Variants in BMP6 observed in about 807,000 individuals in gnomAD.
The protein encoded by BMP6 is VG-1-R.
BMP6 carries 17 observed loss-of-function variants against 54.1 expected under a neutral mutation model. That is an observed-to-expected ratio of 0.31 (90% CI 0.22 to 0.47). The LOEUF is 0.47. Among genes scored for constraint, BMP6 ranks in the 20% least tolerant of loss-of-function variants. The pLI is 1.00. For missense variants in BMP6, 720 were observed against 690.4 expected, an observed-to-expected ratio of 1.04 and a Z score of -0.48; for synonymous variants, 328 against 291.2, an observed-to-expected ratio of 1.13 and a Z score of -1.28.
At chr6:7,789,806 C>T (rs1432836063) in intron 1 of BMP6, among the ~76,000 whole-genome samples, 1 of 152,220 alleles carries the variant, frequency 6.6e-6, no homozygotes, top group Non-Finnish European at 1.5e-5. Flanking sequence ...GAAGCAGGCT[C>T]TTTAGGCCCT....
intron 4 of BMP6, among the ~76,000 whole-genome samples, chr6:7,872,338 C>T (rs1759542274): frequency 6.6e-6 from 1 of 151,758 alleles, no homozygotes; most frequent in South Asian, 2.1e-4. Context: ...ATGCAGAACC[C>T]AGGGTACTGA....
At chr6:7,760,816 TTAAAG>T (rs574077258) in intron 1 of BMP6, among the ~76,000 whole-genome samples, 42 of 152,354 alleles carry the variant, frequency 2.8e-4, no homozygotes, top group Admixed American at 1.1e-3. Flanking sequence ...TGAATAAAAG[TTAAAG>T]TAAAGTTTTG....
intron 1 of BMP6, among the ~76,000 whole-genome samples, chr6:7,732,577 A>AT (rs1761884102): frequency 6.6e-6 from 1 of 152,202 alleles, no homozygotes; most frequent in Non-Finnish European, 1.5e-5. Context: ...TTAGCATATA[A>AT]TTTGTTGCCT....
In BMP6 at chr6:7,754,712, T is replaced by TTTG. The variant is rs372460464; in HGVS notation, c.664+27105_664+27107dup. ...CACACGGCATAATGTTCTAACCTTT[T>TTTG]TTGTTGTTGTTGTTTGTTTGTTTGA... On this transcript the variant is annotated intron_variant, in intron 1 of 6. Coordinates refer to ENST00000283147, the MANE Select transcript of BMP6 (RefSeq NM_001718.6). Among the ~76,000 whole-genome samples, 378 of 152,236 alleles carry TTTG rather than the reference T, an allele frequency of 2.5e-3. 1 individual carries two copies. Among genetic ancestry groups the TTTG allele is most frequent in the African/African-American group, 8.8e-3 (365 of 41,536 alleles).
intron 2 of BMP6, among the ~76,000 whole-genome samples, chr6:7,855,813 G>A (rs915767450): frequency 5.3e-5 from 8 of 151,848 alleles, no homozygotes; most frequent in Admixed American, 1.3e-4. Context: ...ACAGGTGTGA[G>A]CCACCATGCC....
intron 1 of BMP6, among the ~76,000 whole-genome samples, chr6:7,785,863 C>T (rs1758012586): frequency 6.6e-6 from 1 of 152,112 alleles, no homozygotes; most frequent in Non-Finnish European, 1.5e-5. Flanking sequence ...ATAAATACAG[C>T]CACGCTACAA....
At chr6:7,739,568 G>A (rs1762011644) in intron 1 of BMP6, among the ~76,000 whole-genome samples, 1 of 152,162 alleles carries the variant, frequency 6.6e-6, no homozygotes, top group South Asian at 2.1e-4. Context: ...TAGATAGTAA[G>A]ATAGGGGAGA....
chr6:7,816,945 C>T (rs1006751416), intron 1 of BMP6, among the ~76,000 whole-genome samples: 2 of 151,412 alleles, frequency 1.3e-5, no homozygotes, highest in African/African-American at 4.8e-5. Flanking sequence ...AAGATCAGAT[C>T]CTTCAGTTAA....
rs76188088 is a variant in BMP6, at chr6:7,767,466, C to G, written c.664+39847C>G. ...GATCATCAGAGCACCTGAGATGCTT[C>G]GTAAAGTGTAGGTCTGAGCCCCACC... On this transcript the variant is annotated intron_variant, in intron 1 of 6. Transcript: ENST00000283147. 2.6e-3 allele frequency among the ~76,000 whole-genome samples: 391 copies of G among 152,148 alleles called. 2 individuals carry two copies. The highest frequency in any genetic ancestry group is 9.1e-3 in the African/African-American group (376 of 41,520).
At chr6:7,772,748 T>C (rs1174601419) in intron 1 of BMP6, among the ~76,000 whole-genome samples, 1 of 152,224 alleles carries the variant, frequency 6.6e-6, no homozygotes, top group African/African-American at 2.4e-5. Context: ...TGGACACCGC[T>C]TGGGGAGAAC....
At chr6:7,784,860 T>A (rs1757999032) in intron 1 of BMP6, among the ~76,000 whole-genome samples, 1 of 152,152 alleles carries the variant, frequency 6.6e-6, no homozygotes. Flanking sequence ...CACAGTCACC[T>A]CCTCCTTGCT....
At chr6:7,875,086 A>G (rs1250731695) in intron 4 of BMP6, among the ~76,000 whole-genome samples, 3 of 152,154 alleles carry the variant, frequency 2.0e-5, no homozygotes, top group Non-Finnish European at 4.4e-5. Context: ...CAGGTGAGCC[A>G]GTGGTGTAAG....
rs1261080663 is a variant in BMP6, at chr6:7,831,898, C to T, written c.665-13242C>T. On this transcript the variant is annotated intron_variant, in intron 1 of 6. Coordinates refer to ENST00000283147, the MANE Select transcript of BMP6 (RefSeq NM_001718.6). Reference sequence around the variant, plus strand: ...ATACTGCAGAGCTCAGGAAAGAGCACGAAGCAGGACCCAGCCCTGGCTCAC... The same window carrying T: ...ATACTGCAGAGCTCAGGAAAGAGCATGAAGCAGGACCCAGCCCTGGCTCAC... Among the ~76,000 whole-genome samples the T allele has an allele frequency of 4.6e-5, 7 of 152,152 alleles. No homozygotes were observed. The East Asian group carries it at 5.8e-4, about 13-fold the overall frequency.
At chr6:7,854,737 A>G (rs1759199148) in intron 2 of BMP6, among the ~76,000 whole-genome samples, 1 of 152,226 alleles carries the variant, frequency 6.6e-6, no homozygotes, top group South Asian at 2.1e-4. Context: ...CGGAGGTTGC[A>G]GTGAGCCAAG....
At chr6:7,822,001 C>T (rs1024851485) in intron 1 of BMP6, among the ~76,000 whole-genome samples, 7 of 151,566 alleles carry the variant, frequency 4.6e-5, no homozygotes, top group Non-Finnish European at 1.0e-4. Flanking sequence ...ACTGACTGCA[C>T]GTTGCCATGG....
At chr6:7,877,351 G>A (rs1759636767) in intron 4 of BMP6, among the ~76,000 whole-genome samples, 1 of 152,180 alleles carries the variant, frequency 6.6e-6, no homozygotes, top group Non-Finnish European at 1.5e-5. Context: ...GTGGGGCATG[G>A]TGGCTCACAC....
chr6:7,822,688 T>G lies in BMP6; in HGVS notation c.665-22452T>G, dbSNP rs376718405. Among the ~76,000 whole-genome samples, 52 of 152,200 alleles carry G rather than the reference T, an allele frequency of 3.4e-4. 1 individual carries two copies. In the East Asian group the frequency reaches 9.1e-3, roughly 27 times the overall value. ...TCCTTTTTCTCACTACCTTTTAGAT[T>G]CTCCATCCTAATTGTTGGGAACAGC... On this transcript the variant is annotated intron_variant, in intron 1 of 6. Coordinates refer to ENST00000283147, the MANE Select transcript of BMP6 (RefSeq NM_001718.6).
At chr6:7,861,339 AGGT>A (rs768351631) in intron 2 of BMP6, 109 bp from the exon 3 acceptor site, 92 of 1,370,266 alleles carry the variant, frequency 6.7e-5, no homozygotes, top group Non-Finnish European at 8.9e-5. Context: ...TGTGCCTCAC[AGGT>A]AGATGTGATC....
chr6:7,866,493 T>C (rs1393336138), intron 4 of BMP6, among the ~76,000 whole-genome samples: 2 of 152,240 alleles, frequency 1.3e-5, no homozygotes, highest in Non-Finnish European at 2.9e-5. Flanking sequence ...GGCCAATCCA[T>C]GACAAGGTCC....
Sources: gnomAD v4.1 joint callset for allele counts (sites outside exome capture counted in the v4.1 genomes callset) on GRCh38, gnomAD v4.1.1 for gene constraint, MANE v1.5 for transcripts, NCBI Gene and HGNC (gene_info 2026-07-23, HGNC 2026-07-21) for gene names.